Variants in ABCB1 observed in about 807,000 individuals in gnomAD.
ABCB1 encodes the protein ATP binding cassette subfamily B member 1.
A neutral mutation model predicts 142.0 loss-of-function variants in ABCB1; 69 were observed. The observed-to-expected ratio is 0.49, with a 90% CI of 0.40 to 0.59. The LOEUF (loss-of-function observed/expected upper bound fraction) is 0.59. Among genes scored for constraint, ABCB1 ranks in the 20% least tolerant of loss-of-function variants. ABCB1 has a pLI of 0.00. For missense variants in ABCB1, 1,326 were observed against 1,554.7 expected (o/e 0.85, Z 2.47); for synonymous variants, 532 against 539.2 (o/e 0.99, Z 0.18).
upstream of ABCB1, chr7:87,600,885 G>A (rs1040992735): frequency 1.3e-5 from 2 of 152,434 alleles, no homozygotes; most frequent in African/African-American, 4.8e-5. Flanking sequence ...CTACTCGAAT[G>A]AGCTCAGGCT....
In ABCB1 at chr7:87,550,575, G is replaced by A; in HGVS notation, c.1117C>T (p.Pro373Ser). 6.2e-7 allele frequency: 1 copy of A among 1,612,914 alleles called. No individual in the cohort carries two copies. ...CTCTTCGAATAGCTGTCAATACTTG[G>A]CTTCTAAACAGAATCAAATTTTAAG... ...YEIFKIIDNK[P>S]SIDSYSKSGH... is the part of the protein sequence containing the mutation. The change falls in exon 11 of 28, where the codon CCA (proline) becomes TCA (serine). Residue 373 changes from proline (P) to serine (S), a missense_variant. Physicochemically the swap from Pro to Ser is moderately conservative, Grantham distance 74. Coordinates refer to ENST00000622132, the MANE Select transcript of ABCB1 (RefSeq NM_001348946.2).
rs1271272875 is a variant in ABCB1 at position 87,541,415 on chromosome 7, A to C, written c.2261T>G (p.Leu754Trp). The change falls in exon 18 of 28, where the codon TTG becomes TGG. Residue 754 changes from leucine to tryptophan, a missense_variant. Transcript: ENST00000622132. ...AAGGGCTAGAAACAATAGTGAAAAC[A>C]AGTTACTATTCTGTCGTTTTGTTTC... Reference protein sequence around the residue: ...DPETKRQNSNLFSLLFLALGI... With the variant: ...DPETKRQNSNWFSLLFLALGI... 6.2e-7 allele frequency: 1 copy of C among 1,609,546 alleles called. No individual in the cohort carries two copies. The highest frequency in any genetic ancestry group is 2.2e-5 in the East Asian group (1 of 44,868).
intron 1 of ABCB1, among the ~76,000 whole-genome samples, chr7:87,608,335 T>C (rs562051930): frequency 1.3e-5 from 2 of 152,250 alleles, no homozygotes; most frequent in Admixed American, 6.5e-5. Context: ...TTACTTGTGT[T>C]TATGTTGTTA....
chr7:87,643,807 G>GT (rs1425042431), intron 1 of ABCB1, among the ~76,000 whole-genome samples: 4 of 152,060 alleles, frequency 2.6e-5, no homozygotes, highest in African/African-American at 9.7e-5. Context: ...GATTACAGGC[G>GT]TGAGCCACCA....
intron 19 of ABCB1, among the ~76,000 whole-genome samples, chr7:87,538,453 G>A (rs1157257663): frequency 6.6e-6 from 1 of 152,178 alleles, no homozygotes; most frequent in African/African-American, 2.4e-5. Flanking sequence ...CTGGTAAAAT[G>A]TGAATGCCCT....
At chr7:87,677,752 A>G (rs1826523888) in intron 1 of ABCB1, among the ~76,000 whole-genome samples, 1 of 152,212 alleles carries the variant, frequency 6.6e-6, no homozygotes, top group South Asian at 2.1e-4. Flanking sequence ...TGATAATCAA[A>G]CTTCTAAACA....
chr7:87,708,650 T>A (rs1371788699), intron 1 of ABCB1, among the ~76,000 whole-genome samples: 8 of 152,146 alleles, frequency 5.3e-5, no homozygotes, highest in Admixed American at 1.3e-4. Context: ...TTTCTTTTTT[T>A]AAACTCTCTT....
chr7:87,598,357 G>T (rs1326754594), intron 2 of ABCB1, among the ~76,000 whole-genome samples: 1 of 152,096 alleles, frequency 6.6e-6, no homozygotes, highest in East Asian at 1.9e-4. Flanking sequence ...ATTAATATTT[G>T]CTAGGTGATG....
intron 8 of ABCB1, among the ~76,000 whole-genome samples, chr7:87,556,510 GA>G (rs1269706404): frequency 6.6e-6 from 1 of 152,168 alleles, no homozygotes; most frequent in Admixed American, 6.5e-5. Flanking sequence ...GCAGAGAAGG[GA>G]AGGAGAAGAA....
chr7:87,645,242 C>A (rs1822878486), intron 1 of ABCB1, among the ~76,000 whole-genome samples: 1 of 152,052 alleles, frequency 6.6e-6, no homozygotes, highest in African/African-American at 2.4e-5. Context: ...GCCACCACAA[C>A]CAGCTAATTT....
At chr7:87,533,301 G>A (rs1394425799) in intron 20 of ABCB1, among the ~76,000 whole-genome samples, 1 of 152,092 alleles carries the variant, frequency 6.6e-6, no homozygotes, top group Non-Finnish European at 1.5e-5. Flanking sequence ...TGACTTATGG[G>A]CTTGTGAGAG....
At chr7:87,516,280 AGGTTTTGCTT>A in intron 24 of ABCB1, among the ~76,000 whole-genome samples, 5 of 152,182 alleles carry the variant, frequency 3.3e-5, no homozygotes, top group African/African-American at 1.2e-4. Flanking sequence ...TCTGATTAAT[AGGTTTTGCTT>A]ATAAAGTGAG....
chr7:87,544,403 AT>A, intron 16 of ABCB1, 128 bp from the exon 17 acceptor site: 1 of 992,854 alleles, frequency 1.0e-6, no homozygotes, highest in South Asian at 1.6e-5. Flanking sequence ...AGTGATGACA[AT>A]TTTGCTTTAA....
At chr7:87,702,377 C>CA (rs1347304686) in intron 1 of ABCB1, among the ~76,000 whole-genome samples, 1 of 151,864 alleles carries the variant, frequency 6.6e-6, no homozygotes, top group South Asian at 2.1e-4. Context: ...CCCCTAGGCT[C>CA]AAGTGATCCT....
At chr7:87,688,267 G>A (rs1328382063) in intron 1 of ABCB1, among the ~76,000 whole-genome samples, 1 of 151,936 alleles carries the variant, frequency 6.6e-6, no homozygotes, top group Non-Finnish European at 1.5e-5. Context: ...AATTGCATAT[G>A]GAATAAAATG....
intron 8 of ABCB1, among the ~76,000 whole-genome samples, chr7:87,558,581 C>T (rs1331563545): frequency 6.6e-6 from 1 of 151,972 alleles, no homozygotes. Context: ...ACTAGTACAA[C>T]AGTACATAGA....
intron 26 of ABCB1, among the ~76,000 whole-genome samples, chr7:87,507,355 T>G (rs28401815): frequency 2.6e-5 from 4 of 152,164 alleles, no homozygotes; most frequent in Non-Finnish European, 5.9e-5. Flanking sequence ...GGTTCCCCAA[T>G]TTGAGCCTGC....
chr7:87,698,877 A>G (rs895569046), intron 1 of ABCB1, among the ~76,000 whole-genome samples: 2 of 152,304 alleles, frequency 1.3e-5, no homozygotes, highest in Non-Finnish European at 1.5e-5. Flanking sequence ...GGCCTTTAAA[A>G]CACCCTGAAT....
intron 4 of ABCB1, 122 bp from the exon 5 acceptor site, chr7:87,570,345 T>C: frequency 1.0e-6 from 1 of 967,706 alleles, no homozygotes; most frequent in Non-Finnish European, 1.6e-6. Flanking sequence ...TCGAACTGAC[T>C]CAGTTTTAAT....
Sources: allele counts gnomAD v4.1 joint callset (sites outside exome capture counted in the v4.1 genomes callset), GRCh38; gene constraint gnomAD v4.1.1; transcripts MANE v1.5; gene names NCBI Gene and HGNC (gene_info 2026-07-23, HGNC 2026-07-21).